Variants in TRPS1 observed in about 807,000 individuals in gnomAD.
TRPS1 encodes the protein zinc finger transcription factor Trps1.
Under a neutral mutation model 101.2 loss-of-function variants are expected in TRPS1, and 6 were observed. The ratio of observed to expected loss-of-function variants is 0.06; its 90% CI spans 0.03 to 0.12. TRPS1 has a LOEUF of 0.12. Among genes scored for constraint, TRPS1 ranks in the 10% least tolerant of loss-of-function variants. TRPS1 has a pLI of 1.00. For missense variants in TRPS1, 1,363 were observed against 1,567.0 expected, an observed-to-expected ratio of 0.87 and a Z score of 2.20; for synonymous variants, 578 against 589.8, an observed-to-expected ratio of 0.98 and a Z score of 0.29.
chr8:115,601,598 T>G (rs1817909270), intron 4 of TRPS1, among the ~76,000 whole-genome samples: 1 of 152,184 alleles, frequency 6.6e-6, no homozygotes, highest in Non-Finnish European at 1.5e-5. Context: ...TAAACATAAG[T>G]GCAAGAATAT....
intron 5 of TRPS1, among the ~76,000 whole-genome samples, chr8:115,438,201 A>G (rs1813504590): frequency 6.8e-6 from 1 of 147,116 alleles, no homozygotes; most frequent in Non-Finnish European, 1.5e-5. Flanking sequence ...AAATGAGACA[A>G]CCCTGTGATA....
chr8:115,486,254 G>A (rs188567083), intron 5 of TRPS1, among the ~76,000 whole-genome samples: 2 of 152,048 alleles, frequency 1.3e-5, no homozygotes, highest in South Asian at 2.1e-4. Context: ...AGTGTGCTAC[G>A]AACCACACTC....
chr8:115,606,300 AC>A (rs1818037073), intron 3 of TRPS1, among the ~76,000 whole-genome samples: 1 of 152,160 alleles, frequency 6.6e-6, no homozygotes, highest in Non-Finnish European at 1.5e-5. Context: ...AAGAGATGTG[AC>A]CTTGATCAAA....
chr8:115,642,268 A>G (rs1275627242), intron 1 of TRPS1, among the ~76,000 whole-genome samples: 1 of 150,360 alleles, frequency 6.7e-6, no homozygotes, highest in Non-Finnish European at 1.5e-5. Flanking sequence ...ATATACACAC[A>G]TACACATTCA....
rs568089274 is a variant in TRPS1 at position 115,440,120 on chromosome 8, A to C, written c.2701-21668T>G. On this transcript the variant is annotated intron_variant, in intron 5 of 6. Coordinates refer to ENST00000395715, the MANE Select transcript of TRPS1 (RefSeq NM_014112.5). ...AAACGCTAGCTTGGGAATTGGTCAC[A>C]ATGATGAAAATTCATTTTTTAAAAT... Among the ~76,000 whole-genome samples the C allele has an allele frequency of 3.3e-5, 5 of 152,342 alleles. No homozygotes were observed. In the South Asian group the frequency reaches 1.0e-3, roughly 32 times the overall value.
chr8:115,518,298 C>A (rs1220738943), intron 5 of TRPS1, among the ~76,000 whole-genome samples: 1 of 151,722 alleles, frequency 6.6e-6, no homozygotes, highest in Non-Finnish European at 1.5e-5. Flanking sequence ...ATAAAAAATA[C>A]ACTTTTATTA....
chr8:115,420,026 AAGTC>A (rs1226788708), intron 5 of TRPS1, among the ~76,000 whole-genome samples: 1 of 152,182 alleles, frequency 6.6e-6, no homozygotes, highest in Non-Finnish European at 1.5e-5. Flanking sequence ...AGTGAGCACA[AAGTC>A]AGGCTAACAA....
intron 6 of TRPS1, among the ~76,000 whole-genome samples, chr8:115,416,037 A>G (rs1812911564): frequency 6.6e-6 from 1 of 151,700 alleles, no homozygotes; most frequent in Non-Finnish European, 1.5e-5. Context: ...ATAATATTTT[A>G]TATTTGTGAT....
intron 4 of TRPS1, among the ~76,000 whole-genome samples, chr8:115,601,488 G>C (rs1817906708): frequency 6.6e-6 from 1 of 151,570 alleles, no homozygotes; most frequent in Admixed American, 6.6e-5. Context: ...AAATTGTAAG[G>C]CTCCAAATTT....
intron 5 of TRPS1, among the ~76,000 whole-genome samples, chr8:115,567,885 T>C (rs1387085943): frequency 6.6e-6 from 1 of 152,158 alleles, no homozygotes; most frequent in East Asian, 1.9e-4. Context: ...TCATGATATA[T>C]CAGGGATTAG....
chr8:115,603,449 A>T (rs1459460044), intron 4 of TRPS1, among the ~76,000 whole-genome samples: 1 of 152,152 alleles, frequency 6.6e-6, no homozygotes, highest in African/African-American at 2.4e-5. Flanking sequence ...GGTTCTCAAA[A>T]TTTTTTTGCA....
At chr8:115,610,909 G>T (rs955999057) in intron 3 of TRPS1, among the ~76,000 whole-genome samples, 3 of 152,106 alleles carry the variant, frequency 2.0e-5, no homozygotes, top group African/African-American at 7.2e-5. Context: ...CTGAGATCAG[G>T]AGTTCGAGAC....
At chr8:115,490,587 G>T (rs768386635) in intron 5 of TRPS1, among the ~76,000 whole-genome samples, 2 of 151,968 alleles carry the variant, frequency 1.3e-5, no homozygotes, top group Non-Finnish European at 2.9e-5. Context: ...AATACATTTC[G>T]ATCTTTTATA....
At chr8:115,428,478 C>G (rs1187639743) in intron 5 of TRPS1, among the ~76,000 whole-genome samples, 1 of 152,144 alleles carries the variant, frequency 6.6e-6, no homozygotes, top group South Asian at 2.1e-4. Context: ...TAAAACGCAG[C>G]CTTGAGTCTG....
At chr8:115,602,611 T>C (rs1817933973) in intron 4 of TRPS1, among the ~76,000 whole-genome samples, 1 of 152,232 alleles carries the variant, frequency 6.6e-6, no homozygotes, top group Admixed American at 6.5e-5. Context: ...TTGTTGGACA[T>C]GAACTGCTTC....
At chr8:115,624,786 T>C (rs973259807) in intron 1 of TRPS1, among the ~76,000 whole-genome samples, 7 of 151,890 alleles carry the variant, frequency 4.6e-5, no homozygotes, top group African/African-American at 1.7e-4. Flanking sequence ...AACTATTTTA[T>C]CTCACTATTT....
At position 115,411,805 on chromosome 8, in the gene TRPS1, A is replaced by C. The variant is rs1456022484; in HGVS notation, c.*2218T>G. ...TTGCTTTCTCTTTTCTCTTTTTTTA[A>C]TATGCAAACAAAAAAATGCAAAAAT... On this transcript the variant is annotated 3_prime_UTR_variant, in exon 7 of 7. Coordinates refer to ENST00000395715, the MANE Select transcript of TRPS1 (RefSeq NM_014112.5). 1 of 152,098 alleles carries C rather than the reference A, an allele frequency of 6.6e-6. No individual in the cohort carries two copies. The highest frequency in any genetic ancestry group is 6.6e-5 in the Admixed American group (1 of 15,232). The allele number at this position is 152,098 out of a possible 1,614,324, so 9.4% of individuals were successfully genotyped here. A position where few individuals can be genotyped will look rare whatever the true frequency, so the allele number is the denominator to read the frequency against.
chr8:115,624,714 C>T lies in TRPS1; in HGVS notation c.-121-956G>A, dbSNP rs1030387345. 4.0e-5 allele frequency among the ~76,000 whole-genome samples: 6 copies of T among 151,582 alleles called. No homozygotes were observed. In the East Asian group the frequency reaches 1.2e-3, roughly 29 times the overall value. On this transcript the variant is annotated intron_variant, in intron 1 of 6. Coordinates refer to ENST00000395715, the MANE Select transcript of TRPS1 (RefSeq NM_014112.5). ...AATAGGAGTGCACTATTTCTGTTAC[C>T]GTATAATTTAGACAGATTTATGCAG... is the stretch of plus-strand genomic sequence containing the variant.
chr8:115,623,509 T>C, intron 2 of TRPS1, 92 bp downstream of exon 2: 2 of 1,457,478 alleles, frequency 1.4e-6, no homozygotes, highest in East Asian at 4.8e-5. Flanking sequence ...CAAGTTATTA[T>C]CTCTAAGACA....
Sources: gnomAD v4.1 joint callset for allele counts (sites outside exome capture counted in the v4.1 genomes callset) on GRCh38, gnomAD v4.1.1 for gene constraint, MANE v1.5 for transcripts, NCBI Gene and HGNC (gene_info 2026-07-23, HGNC 2026-07-21) for gene names.